The following TSPAN9 variants were observed in gnomAD, a reference collection of about 807,000 sequenced individuals.
The protein encoded by TSPAN9 is tetraspanin 9.
A neutral mutation model predicts 31.0 loss-of-function variants in TSPAN9; 16 were observed. The observed-to-expected ratio is 0.52, with a 90% CI of 0.35 to 0.78. The LOEUF is 0.78. TSPAN9 is among the 30% of genes least tolerant of loss of function. The probability of loss-of-function intolerance (pLI) is 0.01; values close to 1 mark genes in which losing one functional copy is unlikely to be tolerated. For synonymous variants in TSPAN9, 145 were observed against 121.6 expected (o/e 1.19, Z -1.27); for missense variants, 272 against 312.5 (o/e 0.87, Z 0.98).
At chr12:3,246,389 C>T (rs566394364) in intron 3 of TSPAN9, among the ~76,000 whole-genome samples, 39 of 152,258 alleles carry the variant, frequency 2.6e-4, no homozygotes, top group Middle Eastern at 3.4e-3. Context: ...CCAGCTCCAG[C>T]TCCCCACCCC....
intron 3 of TSPAN9, among the ~76,000 whole-genome samples, chr12:3,232,751 C>T (rs1192638424): frequency 6.6e-6 from 1 of 152,130 alleles, no homozygotes; most frequent in Non-Finnish European, 1.5e-5. Context: ...TCTGGCGCAG[C>T]CCTGGCTCTC....
At chr12:3,157,022 C>T (rs1291948230) in intron 2 of TSPAN9, among the ~76,000 whole-genome samples, 1 of 152,106 alleles carries the variant, frequency 6.6e-6, no homozygotes, top group African/African-American at 2.4e-5. Context: ...ACAAATTCTC[C>T]CCCGCTGAGC....
intron 3 of TSPAN9, among the ~76,000 whole-genome samples, chr12:3,231,825 G>A (rs913190873): frequency 4.6e-5 from 7 of 152,210 alleles, no homozygotes; most frequent in African/African-American, 1.2e-4. Context: ...CTTTTCACCC[G>A]CTGTCGCGTG....
At chr12:3,246,764 G>A (rs1459851508) in intron 3 of TSPAN9, among the ~76,000 whole-genome samples, 1 of 152,144 alleles carries the variant, frequency 6.6e-6, no homozygotes, top group East Asian at 1.9e-4. Flanking sequence ...CCCCAGCTCC[G>A]CTCTCTGAAT....
chr12:3,099,205 A>ATGT (rs148853092), intron 2 of TSPAN9, among the ~76,000 whole-genome samples: 93,569 of 151,682 alleles, frequency 0.62, 29,580 homozygotes, highest in African/African-American at 0.74. Context: ...TAGGTTGCTG[A>ATGT]TGTTATTTTT....
At chr12:3,081,840 G>A (rs754329831) in intron 1 of TSPAN9, among the ~76,000 whole-genome samples, 7,521 of 29,818 alleles carry the variant, frequency 0.25, 387 homozygotes, top group South Asian at 0.37. Flanking sequence ...GTGTGTCTGT[G>A]TGTGTATATA....
intron 2 of TSPAN9, among the ~76,000 whole-genome samples, chr12:3,181,290 C>A (rs564397891): frequency 6.6e-6 from 1 of 152,234 alleles, no homozygotes; most frequent in East Asian, 1.9e-4. Context: ...GGGCCCTGGA[C>A]GTAGATCATC....
intron 2 of TSPAN9, among the ~76,000 whole-genome samples, chr12:3,105,835 CAT>C (rs1439918024): frequency 7.8e-6 from 1 of 127,560 alleles, no homozygotes; most frequent in Non-Finnish European, 1.8e-5. Flanking sequence ...CACACACTTT[CAT>C]ACACACGCTC....
chr12:3,081,911 C>T (rs759413624), intron 1 of TSPAN9, among the ~76,000 whole-genome samples: 9 of 149,526 alleles, frequency 6.0e-5, no homozygotes, highest in Non-Finnish European at 1.2e-4. Context: ...GTGGAAGGAT[C>T]GCTTGAGTTC....
chr12:3,095,754 C>T (rs1381488365), intron 2 of TSPAN9, among the ~76,000 whole-genome samples: 4 of 148,684 alleles, frequency 2.7e-5, no homozygotes, highest in East Asian at 2.0e-4. Flanking sequence ...CGGGCAGAGA[C>T]GCTCCTCACT....
intron 2 of TSPAN9, among the ~76,000 whole-genome samples, chr12:3,124,239 T>C (rs2098326366): frequency 6.6e-6 from 1 of 152,208 alleles, no homozygotes; most frequent in Non-Finnish European, 1.5e-5. Context: ...GCAACATTGC[T>C]TAGAATTATT....
In TSPAN9 at chr12:3,192,338, T is replaced by C. The variant is rs1256499880; in HGVS notation, c.-17-8839T>C. 6.6e-6 allele frequency among the ~76,000 whole-genome samples: 1 copy of C among 151,692 alleles called. No homozygotes were observed. The highest frequency in any genetic ancestry group is 2.4e-5 in the African/African-American group (1 of 41,242). On this transcript the variant is annotated intron_variant, in intron 2 of 8. Coordinates refer to ENST00000011898, the MANE Select transcript of TSPAN9 (RefSeq NM_006675.5). The surrounding 1 kb of genome is among the most constrained non-coding windows in gnomAD (Gnocchi z 4.6). ...GTGAATGGGTGGGCGCAGGAGGGAA[T>C]GGAAGGCTGCAGGGGCTGCCGCAGG...
At chr12:3,222,642 G>T (rs74054932) in intron 3 of TSPAN9, among the ~76,000 whole-genome samples, 323 of 152,244 alleles carry the variant, frequency 2.1e-3, no homozygotes, top group Middle Eastern at 6.8e-3. Context: ...GGCTCATTTT[G>T]TGTCCTGGGT....
chr12:3,208,302 A>G (rs956752449), intron 3 of TSPAN9, among the ~76,000 whole-genome samples: 1 of 151,550 alleles, frequency 6.6e-6, no homozygotes, highest in Non-Finnish European at 1.5e-5. Flanking sequence ...ATATGGGAGA[A>G]TGGGGGCAGC....
At chr12:3,124,118 G>A (rs772584481) in intron 2 of TSPAN9, among the ~76,000 whole-genome samples, 40 of 152,320 alleles carry the variant, frequency 2.6e-4, no homozygotes, top group Non-Finnish European at 4.7e-4. Context: ...CTTCAAAACA[G>A]AAGTGAGAAA....
At chr12:3,267,774 C>T (rs1862563326) in intron 3 of TSPAN9, among the ~76,000 whole-genome samples, 1 of 152,188 alleles carries the variant, frequency 6.6e-6, no homozygotes, top group Non-Finnish European at 1.5e-5. Flanking sequence ...TGAGACAGTG[C>T]CGTGTGCCGG....
chr12:3,223,269 G>A (rs1373564656), intron 3 of TSPAN9, among the ~76,000 whole-genome samples: 1 of 152,224 alleles, frequency 6.6e-6, no homozygotes, highest in African/African-American at 2.4e-5. Flanking sequence ...TCCAATTACA[G>A]TGAAATTCTG....
At chr12:3,202,439 G>T (rs2098372465) in intron 3 of TSPAN9, among the ~76,000 whole-genome samples, 1 of 152,226 alleles carries the variant, frequency 6.6e-6, no homozygotes, top group African/African-American at 2.4e-5. Context: ...TAGGGTGGGG[G>T]TGTGTGTGGA....
At chr12:3,088,107 C>T (rs1030443131) in intron 2 of TSPAN9, among the ~76,000 whole-genome samples, 4 of 152,170 alleles carry the variant, frequency 2.6e-5, no homozygotes, top group African/African-American at 7.2e-5. Context: ...TGTGTCTTTC[C>T]GGGTGTGTGA....
Sources: gnomAD v4.1 joint callset for allele counts (sites outside exome capture counted in the v4.1 genomes callset) on GRCh38, gnomAD v4.1.1 for gene constraint, Gnocchi (gnomAD v3.1) non-coding constraint, MANE v1.5 for transcripts, NCBI Gene and HGNC (gene_info 2026-07-23, HGNC 2026-07-21) for gene names.